NUCKS1: variants seen among roughly 807,000 people sequenced by gnomAD.
NUCKS1 encodes nuclear casein kinase and cyclin dependent kinase substrate 1.
A neutral mutation model predicts 33.0 loss-of-function variants in NUCKS1; 2 were observed. That is an observed-to-expected ratio of 0.06 (90% CI 0.02 to 0.19). NUCKS1 has a LOEUF of 0.19. Ranked by LOEUF, NUCKS1 falls within the 10% of genes least tolerant of loss-of-function variation. The pLI is 1.00. For synonymous variants in NUCKS1, 106 were observed against 102.8 expected, an observed-to-expected ratio of 1.03 and a Z score of -0.19; for missense variants, 201 against 293.6, an observed-to-expected ratio of 0.68 and a Z score of 2.31.
chr1:205,739,735 G>A (rs1204504870), intron 1 of NUCKS1, among the ~76,000 whole-genome samples: 1 of 152,110 alleles, frequency 6.6e-6, no homozygotes, highest in African/African-American at 2.4e-5. Context: ...GACTACAGTT[G>A]TGCAACACCA....
intron 2 of NUCKS1, among the ~76,000 whole-genome samples, chr1:205,729,213 C>T (rs1228601229): frequency 1.3e-5 from 2 of 151,966 alleles, no homozygotes; most frequent in Non-Finnish European, 2.9e-5. Context: ...AAGTGGTCCG[C>T]CCACCTTGGC....
intron 1 of NUCKS1, among the ~76,000 whole-genome samples, chr1:205,740,632 T>C (rs1442099278): frequency 1.3e-5 from 2 of 151,504 alleles, no homozygotes; most frequent in African/African-American, 4.9e-5. Context: ...AAAATAAATA[T>C]AAAATTCACA....
chr1:205,724,644 G>C (rs1653676239), intron 3 of NUCKS1, among the ~76,000 whole-genome samples: 1 of 151,992 alleles, frequency 6.6e-6, no homozygotes, highest in Non-Finnish European at 1.5e-5. Context: ...CAGTGAGCTA[G>C]GATTGCACCG....
intron 3 of NUCKS1, among the ~76,000 whole-genome samples, chr1:205,724,705 A>C (rs970196385): frequency 6.6e-6 from 1 of 152,118 alleles, no homozygotes; most frequent in African/African-American, 2.4e-5. Context: ...ACCCCCCCCA[A>C]AAAAAGGAAT....
At chr1:205,721,663 G>A (rs1338557233) in intron 4 of NUCKS1, among the ~76,000 whole-genome samples, 2 of 151,940 alleles carry the variant, frequency 1.3e-5, no homozygotes, top group African/African-American at 2.4e-5. Flanking sequence ...ATTTAGAGGG[G>A]ATTGTGGAAA....
chr1:205,731,883 G>C (rs1047344501), intron 1 of NUCKS1, among the ~76,000 whole-genome samples: 1 of 148,226 alleles, frequency 6.7e-6, no homozygotes, highest in Non-Finnish European at 1.5e-5. Context: ...GCGAAAGAGA[G>C]AGACTCCGTC....
intron 2 of NUCKS1, 125 bp from the exon 3 acceptor site, chr1:205,727,930 T>C (rs1653816856): frequency 1.4e-6 from 1 of 703,172 alleles, no homozygotes; most frequent in Non-Finnish European, 2.3e-6. Flanking sequence ...TCCCAAATAG[T>C]TTCTTTCATC....
chr1:205,728,437 T>C (rs1203892322), intron 2 of NUCKS1, among the ~76,000 whole-genome samples: 1 of 152,136 alleles, frequency 6.6e-6, no homozygotes, highest in East Asian at 1.9e-4. Flanking sequence ...TATATAACCA[T>C]TGATAGGAAT....
chr1:205,741,909 C>A (rs560532881), intron 1 of NUCKS1, among the ~76,000 whole-genome samples: 11 of 152,302 alleles, frequency 7.2e-5, no homozygotes, highest in Non-Finnish European at 1.3e-4. Context: ...ATCTTCCTGA[C>A]AAAAGTGTGA....
At chr1:205,735,535 T>C (rs1256908851) in intron 1 of NUCKS1, among the ~76,000 whole-genome samples, 2 of 152,202 alleles carry the variant, frequency 1.3e-5, no homozygotes, top group African/African-American at 2.4e-5. Context: ...CAGCATAAAA[T>C]TTCAATATAG....
chr1:205,745,011 A>G (rs1654282081), intron 1 of NUCKS1, among the ~76,000 whole-genome samples: 1 of 152,192 alleles, frequency 6.6e-6, no homozygotes, highest in Non-Finnish European at 1.5e-5. Context: ...CAGTACATGC[A>G]TCCTGTTACC....
chr1:205,721,036 C>T (rs772689835), intron 4 of NUCKS1, among the ~76,000 whole-genome samples: 1 of 149,574 alleles, frequency 6.7e-6, no homozygotes, highest in Non-Finnish European at 1.5e-5. Flanking sequence ...GCCATGTTCT[C>T]GCTTATAAGT....
intron 4 of NUCKS1, among the ~76,000 whole-genome samples, chr1:205,723,071 G>A (rs1671949827): frequency 6.6e-6 from 1 of 152,190 alleles, no homozygotes. Flanking sequence ...TATTATCACA[G>A]GATCACCAGA....
chr1:205,729,204 A>G (rs1332698879), intron 2 of NUCKS1, among the ~76,000 whole-genome samples: 1 of 152,068 alleles, frequency 6.6e-6, no homozygotes, highest in Non-Finnish European at 1.5e-5. Context: ...CTTGACCTCA[A>G]GTGGTCCGCC....
rs1328871610 is a variant in NUCKS1, at chr1:205,718,060, CACTT to C, written c.*216_*219del. Reference sequence around the variant, plus strand: ...CCAATAGACAAAAAGGTAACTTAAACACTTACACATACAATGGTTTGCTTTAAAA... The same window carrying C: ...CCAATAGACAAAAAGGTAACTTAAACACACATACAATGGTTTGCTTTAAAA... On this transcript the variant is annotated 3_prime_UTR_variant, in exon 7 of 7. Transcript: ENST00000367142. The C allele has an allele frequency of 4.0e-4, 446 of 1,114,626 alleles. No homozygotes were observed. The African/African-American group carries it at 7.8e-3, about 20-fold the overall frequency. 69.0% of individuals were successfully genotyped at this position (1,114,626 alleles called of 1,614,324 possible). A position where few individuals can be genotyped will look rare whatever the true frequency, so the allele number is the denominator to read the frequency against.
intron 1 of NUCKS1, among the ~76,000 whole-genome samples, chr1:205,733,868 G>A (rs746086046): frequency 4.0e-5 from 6 of 151,540 alleles, no homozygotes; most frequent in Admixed American, 6.6e-5. Flanking sequence ...CCATCTGTCC[G>A]TCCACCCATC....
chr1:205,739,005 G>C (rs1654100874), intron 1 of NUCKS1, among the ~76,000 whole-genome samples: 1 of 152,190 alleles, frequency 6.6e-6, no homozygotes, highest in African/African-American at 2.4e-5. Context: ...TTTTTTGTGT[G>C]TGAATCCACG....
chr1:205,734,905 TA>T (rs1287526089), intron 1 of NUCKS1, among the ~76,000 whole-genome samples: 1 of 151,806 alleles, frequency 6.6e-6, no homozygotes, highest in Non-Finnish European at 1.5e-5. Context: ...AAAAAAAAAA[TA>T]AAAAAGTTTA....
intron 3 of NUCKS1, among the ~76,000 whole-genome samples, chr1:205,724,334 T>A (rs909550219): frequency 6.6e-6 from 1 of 152,134 alleles, no homozygotes; most frequent in African/African-American, 2.4e-5. Context: ...AAATACATAG[T>A]GTTGATGGCA....
Sources: allele counts gnomAD v4.1 joint callset (sites outside exome capture counted in the v4.1 genomes callset), GRCh38; gene constraint gnomAD v4.1.1; transcripts MANE v1.5; gene names NCBI Gene and HGNC (gene_info 2026-07-23, HGNC 2026-07-21).